The following ACTR10 variants were observed in gnomAD, a reference collection of about 807,000 sequenced individuals.
ACTR10 encodes the protein actin-related protein 10.
Under a neutral mutation model 56.2 loss-of-function variants are expected in ACTR10, and 43 were observed. The ratio of observed to expected loss-of-function variants is 0.77; its 90% confidence interval spans 0.60 to 0.99. ACTR10 has a LOEUF of 0.99. Among genes scored for constraint, ACTR10 ranks in the 50% least tolerant of loss-of-function variants. ACTR10 has a pLI of 0.00. For missense variants in ACTR10, 466 were observed against 507.8 expected, an observed-to-expected ratio of 0.92 and a Z score of 0.79; for synonymous variants, 170 against 176.3, an observed-to-expected ratio of 0.96 and a Z score of 0.28.
At chr14:58,214,665 A>T (rs1445366101) in intron 6 of ACTR10, among the ~76,000 whole-genome samples, 7 of 151,158 alleles carry the variant, frequency 4.6e-5, no homozygotes, top group African/African-American at 1.7e-4. Context: ...TAATTTTGGT[A>T]TTTTTAGTAG....
chr14:58,200,318 T>C, intron 1 of ACTR10, 24 bp downstream of exon 1: 2 of 1,484,174 alleles, frequency 1.3e-6, no homozygotes, highest in Non-Finnish European at 1.8e-6. Flanking sequence ...ACGCCAGCTG[T>C]GTTCGACCCG....
rs1889652613 is a variant in ACTR10 at position 58,235,292 on chromosome 14, C to G, written c.*741C>G. On this transcript the variant is annotated 3_prime_UTR_variant, in exon 13 of 13. Coordinates refer to ENST00000254286, the MANE Select transcript of ACTR10 (RefSeq NM_018477.3). ...TTTAAAAAAAATATTTATTTTGGTACTTGGGTGTCCATATTATAATAATGT... is the reference window on the plus strand; with the variant it reads ...TTTAAAAAAAATATTTATTTTGGTAGTTGGGTGTCCATATTATAATAATGT... 1 of 152,070 alleles carries G rather than the reference C, an allele frequency of 6.6e-6. No individual in the cohort carries two copies. The highest frequency in any genetic ancestry group is 1.5e-5 in the Non-Finnish European group (1 of 68,022). 9.4% of individuals were successfully genotyped at this position (152,070 alleles called of 1,614,324 possible).
In ACTR10 at chr14:58,223,545, G is replaced by T. The variant is rs1889328001; in HGVS notation, c.635-77G>T. 6.2e-5 allele frequency: 71 copies of T among 1,142,024 alleles called. No individual in the cohort carries two copies. The South Asian group carries it at 1.0e-3, about 16-fold the overall frequency. The allele number at this position is 1,142,024 out of a possible 1,614,324, so 70.7% of individuals were successfully genotyped here. On this transcript the variant is annotated intron_variant, in intron 8 of 12. Transcript: ENST00000254286. ...TGAGCATGTTCACTTGAATAGAATT[G>T]TTTTAACTGGGGTGTAGGTACACTC...
chr14:58,212,857 C>T (rs117810120), intron 5 of ACTR10, among the ~76,000 whole-genome samples: 2 of 152,214 alleles, frequency 1.3e-5, no homozygotes, highest in Admixed American at 6.5e-5. Context: ...GTGGCTCACA[C>T]ATGTAATCCT....
At chr14:58,210,736 G>A (rs182803982) in intron 4 of ACTR10, among the ~76,000 whole-genome samples, 4 of 148,578 alleles carry the variant, frequency 2.7e-5, no homozygotes, top group East Asian at 2.0e-4. Flanking sequence ...GTGCAATGGC[G>A]CGATCTCGGC....
At chr14:58,201,343 T>G (rs1021616949) in intron 1 of ACTR10, among the ~76,000 whole-genome samples, 1 of 152,190 alleles carries the variant, frequency 6.6e-6, no homozygotes, top group Non-Finnish European at 1.5e-5. Context: ...AGGCTTCTAG[T>G]CAAAGATAAT....
At chr14:58,232,966 G>A (rs1309916161) in intron 12 of ACTR10, among the ~76,000 whole-genome samples, 3 of 151,102 alleles carry the variant, frequency 2.0e-5, no homozygotes, top group Non-Finnish European at 4.4e-5. Flanking sequence ...TGCCTCCCAG[G>A]CTCAAGCAAT....
chr14:58,232,393 A>G (rs1379233579), intron 12 of ACTR10, 126 bp downstream of exon 12: 4 of 335,574 alleles, frequency 1.2e-5, no homozygotes, highest in East Asian at 6.1e-5. Context: ...TAGAACTAAC[A>G]CTGACTTTTT....
chr14:58,215,438 T>A (rs969040311), intron 7 of ACTR10, among the ~76,000 whole-genome samples, 154 bp downstream of exon 7: 1 of 152,228 alleles, frequency 6.6e-6, no homozygotes, highest in African/African-American at 2.4e-5. Flanking sequence ...ATTGAACTTT[T>A]AATCACTAAA....
intron 8 of ACTR10, among the ~76,000 whole-genome samples, chr14:58,221,577 G>GT (rs1256817683): frequency 1.3e-5 from 2 of 152,040 alleles, no homozygotes; most frequent in Non-Finnish European, 2.9e-5. Flanking sequence ...TCTAGCTTGG[G>GT]TGACAGAGCA....
intron 5 of ACTR10, among the ~76,000 whole-genome samples, chr14:58,212,703 C>A (rs1399057942): frequency 2.0e-5 from 3 of 152,096 alleles, no homozygotes; most frequent in Non-Finnish European, 4.4e-5. Context: ...AGGATATAAA[C>A]CCATGTTTGT....
intron 4 of ACTR10, among the ~76,000 whole-genome samples, chr14:58,210,415 G>C (rs1888964881): frequency 6.6e-6 from 1 of 152,080 alleles, no homozygotes; most frequent in African/African-American, 2.4e-5. Flanking sequence ...AGGATTGCTT[G>C]AGCCCAGGAG....
intron 11 of ACTR10, among the ~76,000 whole-genome samples, chr14:58,231,313 A>C (rs1889528034): frequency 6.6e-6 from 1 of 152,038 alleles, no homozygotes; most frequent in Admixed American, 6.6e-5. Flanking sequence ...CGGCCTCCCA[A>C]AGGGCTGTAC....
chr14:58,232,305 T>G, intron 12 of ACTR10, 38 bp downstream of exon 12: 1 of 1,533,334 alleles, frequency 6.5e-7, no homozygotes, highest in Non-Finnish European at 8.9e-7. Context: ...GATTATATAG[T>G]ATTTGGTCTC....
At position 58,211,324 on chromosome 14, in the gene ACTR10, A is replaced by C. The variant is rs139523686; in HGVS notation, c.375A>C (p.Leu125=). 6.2e-7 allele frequency: 1 copy of C among 1,613,688 alleles called. No individual in the cohort carries two copies. The highest frequency in any genetic ancestry group is 1.7e-5 in the Admixed American group (1 of 59,996). The part of the protein sequence containing the change: ...VPSVLLAPSH[L]MALLTLGINS... The stretch of plus-strand genomic sequence containing the variant: ...CTGTCTTGCTTGCTCCAAGTCATCT[A>C]ATGGCTCTTCTGACGCTTGGAATTA... Residue 125 remains leucine (L), a synonymous_variant, in exon 5 of 13, where the codon CTA becomes CTC. Coordinates refer to ENST00000254286, the MANE Select transcript of ACTR10 (RefSeq NM_018477.3).
chr14:58,202,788 A>G, intron 1 of ACTR10, 67 bp from the exon 2 acceptor site: 1 of 1,133,352 alleles, frequency 8.8e-7, no homozygotes, highest in Non-Finnish European at 1.3e-6. Context: ...ATACAGAGAA[A>G]ATTAGTTTCT....
At chr14:58,203,334 A>C (rs1314274686) in intron 2 of ACTR10, among the ~76,000 whole-genome samples, 2 of 151,514 alleles carry the variant, frequency 1.3e-5, no homozygotes, top group South Asian at 2.1e-4. Flanking sequence ...AACAAGAAAC[A>C]GTACTAAATA....
At chr14:58,218,915 C>T (rs1889198392) in intron 7 of ACTR10, among the ~76,000 whole-genome samples, 1 of 152,096 alleles carries the variant, frequency 6.6e-6, no homozygotes, top group African/African-American at 2.4e-5. Flanking sequence ...AAACTCCTCC[C>T]GAGTTCAAGC....
chr14:58,202,068 T>G (rs978524853), intron 1 of ACTR10, among the ~76,000 whole-genome samples: 2 of 151,368 alleles, frequency 1.3e-5, no homozygotes, highest in Admixed American at 1.3e-4. Flanking sequence ...GCTTACTGTA[T>G]GAGTTAATTA....
Sources: allele counts gnomAD v4.1 joint callset (sites outside exome capture counted in the v4.1 genomes callset), GRCh38; gene constraint gnomAD v4.1.1; transcripts MANE v1.5; gene names NCBI Gene and HGNC (gene_info 2026-07-23, HGNC 2026-07-21).